DDX42: variants seen among roughly 807,000 people sequenced by gnomAD.
The protein encoded by DDX42 is ATP-dependent RNA helicase DDX42.
Under a neutral mutation model 101.5 loss-of-function variants are expected in DDX42, and 22 were observed. That is an observed-to-expected ratio of 0.22 (90% CI 0.15 to 0.31). The LOEUF is 0.31. Ranked by LOEUF, DDX42 falls within the 10% of genes least tolerant of loss-of-function variation. DDX42 has a pLI of 1.00. For missense variants in DDX42, 849 were observed against 1,199.9 expected (o/e 0.71, Z 4.32); for synonymous variants, 402 against 401.2 (o/e 1.00, Z -0.02).
chr17:63,781,087 C>T (rs539819536), intron 1 of DDX42, among the ~76,000 whole-genome samples: 3 of 152,286 alleles, frequency 2.0e-5, no homozygotes, highest in African/African-American at 4.8e-5. Flanking sequence ...GTACTCTTGA[C>T]TCCTCTTGAC....
chr17:63,806,515 G>T lies in DDX42; in HGVS notation c.727-20G>T. 6.2e-7 allele frequency: 1 copy of T among 1,603,048 alleles called. No individual in the cohort carries two copies. Among genetic ancestry groups the T allele is most frequent in the Non-Finnish European group, 8.5e-7 (1 of 1,175,076 alleles). On this transcript the variant is annotated intron_variant, in intron 7 of 17. Coordinates refer to ENST00000389924, the MANE Select transcript of DDX42 (RefSeq NM_203499.3). ...AATGTTGAAGTACAAGTCATTCTGG[G>T]GAGTTGTCTCTATCTCTAGGTCTCT...
At chr17:63,783,544 C>G (rs1240751553) in intron 1 of DDX42, among the ~76,000 whole-genome samples, 1 of 152,090 alleles carries the variant, frequency 6.6e-6, no homozygotes, top group African/African-American at 2.4e-5. Flanking sequence ...TGTAAAGATT[C>G]TTACTAAATT....
rs373683675 is a variant in DDX42, at chr17:63,779,928, T to G, written c.-17+5552T>G. ...GAAATTTGGGTGGCTATCTTTTGCTTCTTCTGTCAGCTATACTCCCACAAA... is the reference window on the plus strand; with the variant it reads ...GAAATTTGGGTGGCTATCTTTTGCTGCTTCTGTCAGCTATACTCCCACAAA... On this transcript the variant is annotated intron_variant, in intron 1 of 17. Transcript: ENST00000389924. 6.6e-5 allele frequency among the ~76,000 whole-genome samples: 10 copies of G among 152,288 alleles called. 1 individual carries two copies. Among genetic ancestry groups the G allele is most frequent in the Admixed American group, 2.6e-4 (4 of 15,282 alleles).
intron 4 of DDX42, chr17:63,798,346 A>G: frequency 2.8e-6 from 1 of 361,098 alleles, no homozygotes; most frequent in Admixed American, 4.5e-5. Flanking sequence ...TGTTTAGTAA[A>G]CACAAGGAAT....
chr17:63,810,483 A>G, intron 11 of DDX42, 30 bp from the exon 12 acceptor site: 1 of 1,610,936 alleles, frequency 6.2e-7, no homozygotes, highest in Non-Finnish European at 8.5e-7. Context: ...ATTTCAGGTT[A>G]TAATAATTTT....
intron 3 of DDX42, among the ~76,000 whole-genome samples, chr17:63,797,647 G>C (rs2039710102): frequency 6.6e-6 from 1 of 152,350 alleles, no homozygotes; most frequent in Non-Finnish European, 1.5e-5. Context: ...GTCCCAGATT[G>C]AGAGCAACCT....
intron 12 of DDX42, 37 bp from the exon 13 acceptor site, chr17:63,811,039 A>G (rs769154035): frequency 1.7e-5 from 26 of 1,572,286 alleles, no homozygotes; most frequent in East Asian, 1.1e-4. Context: ...TAAAGATATC[A>G]TATTGTTTCT....
At chr17:63,800,041 CT>C in intron 5 of DDX42, 2 of 216,256 alleles carry the variant, frequency 9.2e-6, no homozygotes, top group Non-Finnish European at 1.8e-5. Context: ...CCATTAGTCT[CT>C]TTTCCCCCAT....
At chr17:63,810,881 A>G (rs1185817437) in intron 12 of DDX42, among the ~76,000 whole-genome samples, 195 bp from the exon 13 acceptor site, 1 of 152,218 alleles carries the variant, frequency 6.6e-6, no homozygotes, top group Non-Finnish European at 1.5e-5. Context: ...CATACTGACA[A>G]CTTGTCTTAA....
chr17:63,806,790 TAAG>T (rs1159301012), intron 8 of DDX42, 136 bp downstream of exon 8: 26 of 923,372 alleles, frequency 2.8e-5, no homozygotes, highest in Non-Finnish European at 3.5e-5. Context: ...TTATCACTCT[TAAG>T]AAGTCACTAA....
chr17:63,791,230 TAC>T (rs1283598306), intron 2 of DDX42, among the ~76,000 whole-genome samples: 1 of 152,236 alleles, frequency 6.6e-6, no homozygotes, highest in African/African-American at 2.4e-5. Flanking sequence ...GAGAAAGTGA[TAC>T]CTTATCCAGC....
rs1555717988 is a variant in DDX42, at chr17:63,774,246, C to CGGCGGCGGTGGTGGTGGT, written c.-139_-138insTGGTGGTGGTGGCGGCGG. Reference sequence around the variant, plus strand: ...GTGGCGGCGGCGGTGGTGGTGGTGGCGGCGGCGGCGGCGAAGGGGGCGGAG... The same window carrying CGGCGGCGGTGGTGGTGGT: ...GTGGCGGCGGCGGTGGTGGTGGTGGCGGCGGCGGTGGTGGTGGTGGCGGCGGCGGCGAAGGGGGCGGAG... On this transcript the variant is annotated 5_prime_UTR_variant, in exon 1 of 18. Transcript: ENST00000389924. 21 of 134,046 alleles carry CGGCGGCGGTGGTGGTGGT rather than the reference C, an allele frequency of 1.6e-4. No homozygotes were observed. The South Asian group carries it at 3.2e-3, about 21-fold the overall frequency. The allele number at this position is 134,046 out of a possible 1,614,324, so 8.3% of individuals were successfully genotyped here.
intron 8 of DDX42, among the ~76,000 whole-genome samples, chr17:63,807,157 T>G (rs114416830): frequency 0.017 from 2,525 of 152,302 alleles, 58 homozygotes; most frequent in African/African-American, 0.058. Flanking sequence ...TTGTTTTTTT[T>G]GGGGACAGAG....
chr17:63,776,240 T>C (rs1462205695), intron 1 of DDX42: 1 of 152,262 alleles, frequency 6.6e-6, no homozygotes, highest in Non-Finnish European at 1.5e-5. Context: ...ACAAACTAGC[T>C]AAATTGTCTT....
chr17:63,815,271 C>T (rs977614167), intron 15 of DDX42, among the ~76,000 whole-genome samples: 6 of 152,000 alleles, frequency 3.9e-5, no homozygotes, highest in African/African-American at 1.5e-4. Flanking sequence ...GCCAAAGTTA[C>T]TCCTCTGGGT....
At chr17:63,815,991 T>G (rs2039973093) in intron 16 of DDX42, 1 of 165,070 alleles carries the variant, frequency 6.1e-6, no homozygotes, top group African/African-American at 2.4e-5. Context: ...AATCAGAAAC[T>G]CTGGAGTTGG....
Position 63,807,736 on chromosome 17 carries a change from G to A in DDX42, c.859G>A (p.Ala287Thr), listed in dbSNP as rs1396943439. 3 of 1,612,774 alleles carry A rather than the reference G, an allele frequency of 1.9e-6. No homozygotes were observed. The change falls in exon 9 of 18, where the codon GCA becomes ACA. Residue 287 changes from alanine to threonine, a missense_variant. Physicochemically the swap from Ala to Thr is moderately conservative, Grantham distance 58. Around this residue, in one of 5 missense-constraint regions of DDX42, gnomAD observed 370 missense variants for 608.8 expected, o/e 0.61. Transcript: ENST00000389924. ...TPIQCQGVPV[A>T]LSGRDMIGIA... ...ACTTTTTCTCCAGGGTGTGCCTGTG[G>A]CATTAAGTGGTAGAGACATGATTGG...
chr17:63,786,996 T>G, intron 1 of DDX42, 38 bp from the exon 2 acceptor site: 2 of 1,606,718 alleles, frequency 1.2e-6, no homozygotes, highest in South Asian at 1.1e-5. Flanking sequence ...TACACTTTTT[T>G]AAGTTTAATT....
At chr17:63,800,744 T>C (rs533490632) in intron 6 of DDX42, 127 bp downstream of exon 6, 29 of 1,178,808 alleles carry the variant, frequency 2.5e-5, no homozygotes, top group East Asian at 7.6e-5. Flanking sequence ...TCATCTCTAC[T>C]AAGTGGTTGA....
Sources: gnomAD v4.1 joint callset for allele counts (sites outside exome capture counted in the v4.1 genomes callset) on GRCh38, gnomAD v4.1.1 for gene constraint, gnomAD v4.1.1 regional missense constraint, MANE v1.5 for transcripts, NCBI Gene and HGNC (gene_info 2026-07-23, HGNC 2026-07-21) for gene names.